The following CNTN3 variants were observed in gnomAD, a reference collection of about 807,000 sequenced individuals.
The protein encoded by CNTN3 is contactin 3.
CNTN3 carries 60 observed loss-of-function variants against 119.1 expected under a neutral mutation model. The observed-to-expected ratio is 0.50, with a 90% CI of 0.41 to 0.62. CNTN3 has a LOEUF of 0.62. CNTN3 is among the 20% of genes least tolerant of loss of function. The probability of loss-of-function intolerance (pLI) is 0.00; values close to 1 mark genes in which losing one functional copy is unlikely to be tolerated. For synonymous variants in CNTN3, 450 were observed against 438.7 expected, an observed-to-expected ratio of 1.03 and a Z score of -0.32; for missense variants, 1,101 against 1,242.4, an observed-to-expected ratio of 0.89 and a Z score of 1.71.
intron 19 of CNTN3, among the ~76,000 whole-genome samples, chr3:74,289,464 G>T (rs966830968): frequency 6.6e-6 from 1 of 152,076 alleles, no homozygotes; most frequent in African/African-American, 2.4e-5. Flanking sequence ...CACTTTGATG[G>T]CAATATCAGC....
rs1334968706 is a variant in CNTN3, at chr3:74,294,971, A to G, written c.2517+150T>C. 16 of 500,458 alleles carry G rather than the reference A, an allele frequency of 3.2e-5. No individual in the cohort carries two copies. The East Asian group carries it at 4.5e-4, about 14-fold the overall frequency. 31.0% of individuals were successfully genotyped at this position (500,458 alleles called of 1,614,324 possible). Reference sequence around the variant, plus strand: ...TCATTCAACTGGTTAAATTCAGTATACATGGAACATCAGATGAAACAATGT... The same window carrying G: ...TCATTCAACTGGTTAAATTCAGTATGCATGGAACATCAGATGAAACAATGT... On this transcript the variant is annotated intron_variant, in intron 19 of 22. Coordinates refer to ENST00000263665, the MANE Select transcript of CNTN3 (RefSeq NM_020872.3).
At chr3:74,326,168 A>C (rs12494407) in intron 13 of CNTN3, among the ~76,000 whole-genome samples, 1 of 151,950 alleles carries the variant, frequency 6.6e-6, no homozygotes, top group Non-Finnish European at 1.5e-5. Context: ...TCTCTGGCCA[A>C]ATTTAGAGAG....
Position 74,263,112 on chromosome 3 carries a change from A to G in CNTN3, c.*1289T>C, listed in dbSNP as rs1319243022. The G allele has an allele frequency of 6.6e-6, 1 of 152,160 alleles. No homozygotes were observed. The highest frequency in any genetic ancestry group is 1.5e-5 in the Non-Finnish European group (1 of 67,994). 9.4% of individuals were successfully genotyped at this position (152,160 alleles called of 1,614,324 possible). ...TGTGAAATTGGTAGGAAAGAGGTAAAAAACTGATTTTGCAATGTTGAAAAC... is the reference window on the plus strand; with the variant it reads ...TGTGAAATTGGTAGGAAAGAGGTAAGAAACTGATTTTGCAATGTTGAAAAC... On this transcript the variant is annotated 3_prime_UTR_variant, in exon 23 of 23. Transcript: ENST00000263665.
chr3:74,370,033 T>A lies in CNTN3; in HGVS notation c.659-42A>T, dbSNP rs930960563. On this transcript the variant is annotated intron_variant, in intron 6 of 22. Transcript: ENST00000263665. Reference sequence around the variant, plus strand: ...TAAAGTTAATCGTTTCAATATTTCCTTTAGAATTGCCTCGTTTTTCTTAAA... The same window carrying A: ...TAAAGTTAATCGTTTCAATATTTCCATTAGAATTGCCTCGTTTTTCTTAAA... 4 of 1,092,630 alleles carry A rather than the reference T, an allele frequency of 3.7e-6. No individual in the cohort carries two copies. In the African/African-American group the frequency reaches 6.5e-5, roughly 18 times the overall value. The allele number at this position is 1,092,630 out of a possible 1,614,324, so 67.7% of individuals were successfully genotyped here. A position where few individuals can be genotyped will look rare whatever the true frequency, so the allele number is the denominator to read the frequency against.
chr3:74,541,454 C>G (rs1485974706), intron 1 of CNTN3, among the ~76,000 whole-genome samples: 1 of 151,970 alleles, frequency 6.6e-6, no homozygotes. Context: ...ATTCAAAACT[C>G]AAAAACATAT....
intron 2 of CNTN3, among the ~76,000 whole-genome samples, chr3:74,508,174 GTGAGTTCTCA>G (rs1703299105): frequency 6.6e-6 from 1 of 152,150 alleles, no homozygotes; most frequent in Non-Finnish European, 1.5e-5. Context: ...GTGATAGTGA[GTGAGTTCTCA>G]TGAGATCTGA....
At chr3:74,604,963 T>C (rs1232505231) in intron 1 of CNTN3, among the ~76,000 whole-genome samples, 2 of 152,122 alleles carry the variant, frequency 1.3e-5, no homozygotes, top group African/African-American at 2.4e-5. Flanking sequence ...TATGCAGCCA[T>C]TGAAAAGGAA....
At chr3:74,610,188 G>T (rs1254943269) in intron 1 of CNTN3, among the ~76,000 whole-genome samples, 2 of 152,068 alleles carry the variant, frequency 1.3e-5, no homozygotes, top group African/African-American at 4.8e-5. Flanking sequence ...CCAGGGCATG[G>T]CGGTGTGTGT....
At chr3:74,371,057 T>G (rs915416190) in intron 6 of CNTN3, 139 bp downstream of exon 6, 18 of 639,258 alleles carry the variant, frequency 2.8e-5, no homozygotes, top group Non-Finnish European at 5.0e-5. Flanking sequence ...TTTTTGTCAT[T>G]GTACTCATAA....
chr3:74,369,456 G>C, intron 7 of CNTN3, 83 bp from the exon 8 acceptor site: 1 of 1,105,466 alleles, frequency 9.0e-7, no homozygotes, highest in Non-Finnish European at 1.3e-6. Flanking sequence ...GATTGAACAA[G>C]AAGGCACAGG....
chr3:74,306,830 A>G (rs1575712499), intron 13 of CNTN3, among the ~76,000 whole-genome samples: 1 of 152,332 alleles, frequency 6.6e-6, no homozygotes, highest in Admixed American at 6.5e-5. Context: ...TAAAGTAACT[A>G]TTCTACTTTA....
intron 4 of CNTN3, among the ~76,000 whole-genome samples, chr3:74,470,969 C>A (rs904455815): frequency 1.3e-5 from 2 of 150,704 alleles, no homozygotes; most frequent in Non-Finnish European, 3.0e-5. Context: ...CTCCGCCTCC[C>A]GGGTTCAAGC....
At chr3:74,311,204 A>T (rs1702677551) in intron 13 of CNTN3, among the ~76,000 whole-genome samples, 1 of 152,158 alleles carries the variant, frequency 6.6e-6, no homozygotes, top group Admixed American at 6.5e-5. Flanking sequence ...GTTGCTCCCA[A>T]AGAGATCACA....
intron 3 of CNTN3, among the ~76,000 whole-genome samples, chr3:74,491,835 T>C (rs1220577099): frequency 6.6e-6 from 1 of 152,206 alleles, no homozygotes; most frequent in Non-Finnish European, 1.5e-5. Flanking sequence ...ACTCTAAGTA[T>C]CAGAATGAAA....
chr3:74,598,999 G>GCAT (rs1182224259), intron 1 of CNTN3, among the ~76,000 whole-genome samples: 34 of 152,130 alleles, frequency 2.2e-4, no homozygotes, highest in Admixed American at 1.9e-3. Context: ...AATATGAAAA[G>GCAT]CATCATAAGA....
intron 13 of CNTN3, among the ~76,000 whole-genome samples, chr3:74,319,862 T>C (rs1354867335): frequency 6.8e-6 from 1 of 147,948 alleles, no homozygotes; most frequent in African/African-American, 2.5e-5. Context: ...GTGAAGGAGA[T>C]GAACAGACAC....
chr3:74,275,821 A>C (rs1701868180), intron 20 of CNTN3, among the ~76,000 whole-genome samples: 2 of 152,172 alleles, frequency 1.3e-5, no homozygotes, highest in African/African-American at 4.8e-5. Context: ...AATGGGCTAA[A>C]TGCTCCACTT....
intron 1 of CNTN3, among the ~76,000 whole-genome samples, chr3:74,601,149 G>A (rs1472056261): frequency 6.6e-6 from 1 of 151,844 alleles, no homozygotes; most frequent in Non-Finnish European, 1.5e-5. Context: ...GAGCTCAATG[G>A]GTAGCATCTA....
intron 4 of CNTN3, among the ~76,000 whole-genome samples, chr3:74,485,508 A>G (rs13070640): frequency 0.32 from 49,392 of 151,996 alleles, 10,697 homozygotes; most frequent in Non-Finnish European, 0.48. Flanking sequence ...AACCCTTGCC[A>G]TTGTTAAAAT....
Sources: allele counts gnomAD v4.1 joint callset (sites outside exome capture counted in the v4.1 genomes callset), GRCh38; gene constraint gnomAD v4.1.1; transcripts MANE v1.5; gene names NCBI Gene and HGNC (gene_info 2026-07-23, HGNC 2026-07-21).